Variants in RBFOX1 observed in about 807,000 individuals in gnomAD.
RBFOX1 encodes RNA binding protein fox-1 homolog 1.
Under a neutral mutation model 57.7 loss-of-function variants are expected in RBFOX1, and 8 were observed. The observed-to-expected ratio is 0.14, with a 90% confidence interval of 0.08 to 0.25. RBFOX1 has a LOEUF of 0.25. Ranked by LOEUF, RBFOX1 falls within the 10% of genes least tolerant of loss-of-function variation. The pLI is 1.00. For synonymous variants in RBFOX1, 326 were observed against 222.4 expected (o/e 1.47, Z -4.15); for missense variants, 611 against 548.5 (o/e 1.11, Z -1.14).
At chr16:5,767,047 T>A (rs74458734) in intron 3 of RBFOX1, among the ~76,000 whole-genome samples, 38 of 152,342 alleles carry the variant, frequency 2.5e-4, no homozygotes, top group African/African-American at 8.9e-4. Context: ...GGAACTGATG[T>A]CTCAGTCAGT....
At chr16:6,124,002 G>T (rs1327452964) in intron 1 of RBFOX1, among the ~76,000 whole-genome samples, 1 of 152,192 alleles carries the variant, frequency 6.6e-6, no homozygotes, top group Non-Finnish European at 1.5e-5. Flanking sequence ...GTCTTGCTTG[G>T]CCACAAAGGT....
chr16:6,340,469 C>A (rs1287882200), intron 2 of RBFOX1, among the ~76,000 whole-genome samples: 1 of 152,182 alleles, frequency 6.6e-6, no homozygotes, highest in Non-Finnish European at 1.5e-5. Flanking sequence ...GGCAGAGCAG[C>A]AACAAGGGCT....
intron 4 of RBFOX1, among the ~76,000 whole-genome samples, chr16:5,927,605 C>T (rs2058964256): frequency 1.3e-5 from 2 of 152,090 alleles, no homozygotes; most frequent in South Asian, 4.1e-4. Flanking sequence ...GGTATATATC[C>T]AAAGGGAATG....
At chr16:5,668,578 A>C (rs992253361) in intron 3 of RBFOX1, among the ~76,000 whole-genome samples, 1 of 152,170 alleles carries the variant, frequency 6.6e-6, no homozygotes, top group African/African-American at 2.4e-5. Context: ...CTTCAGATTA[A>C]ACTGCAGCCT....
At chr16:5,891,452 T>C (rs763031700) in intron 4 of RBFOX1, among the ~76,000 whole-genome samples, 3 of 152,222 alleles carry the variant, frequency 2.0e-5, no homozygotes, top group Non-Finnish European at 4.4e-5. Context: ...TTGGTTGCCA[T>C]GGAAGCATTG....
intron 4 of RBFOX1, among the ~76,000 whole-genome samples, chr16:7,416,332 G>T (rs940218002): frequency 1.1e-4 from 17 of 152,186 alleles, no homozygotes; most frequent in African/African-American, 4.1e-4. Context: ...AAAGCTTTCT[G>T]TTGATCCATG....
chr16:7,263,981 A>G (rs1207958669), intron 4 of RBFOX1, among the ~76,000 whole-genome samples: 1 of 151,814 alleles, frequency 6.6e-6, no homozygotes, highest in African/African-American at 2.4e-5. Flanking sequence ...GAAACAAAAC[A>G]CAGAAAGATC....
At chr16:7,140,157 CCTCTCTCT>C (rs57128710) in intron 4 of RBFOX1, among the ~76,000 whole-genome samples, 1,171 of 70,884 alleles carry the variant, frequency 0.017, 28 homozygotes, top group Admixed American at 0.068. Context: ...TCCTTCTCTC[CCTCTCTCT>C]CTCTCTCTCT....
intron 3 of RBFOX1, among the ~76,000 whole-genome samples, chr16:6,673,822 T>C (rs1274927927): frequency 6.6e-6 from 1 of 152,072 alleles, no homozygotes; most frequent in Non-Finnish European, 1.5e-5. Context: ...GGACAGAGAA[T>C]GATAGCCAAG....
At chr16:5,525,813 TAACAC>T (rs991558449) in intron 2 of RBFOX1, among the ~76,000 whole-genome samples, 2 of 152,054 alleles carry the variant, frequency 1.3e-5, no homozygotes, top group African/African-American at 2.4e-5. Context: ...CCCACAGTCT[TAACAC>T]AACAGTTCCC....
At chr16:5,285,559 C>G (rs576356279) in intron 1 of RBFOX1, among the ~76,000 whole-genome samples, 25 of 152,150 alleles carry the variant, frequency 1.6e-4, no homozygotes, top group Admixed American at 6.5e-4. Flanking sequence ...CTATCTGTGC[C>G]TCTGACATAA....
intron 1 of RBFOX1, among the ~76,000 whole-genome samples, chr16:6,128,960 C>G (rs2096609900): frequency 6.6e-6 from 1 of 152,170 alleles, no homozygotes; most frequent in African/African-American, 2.4e-5. Context: ...GAAACAGACC[C>G]ACCTGACAAA....
At chr16:6,887,499 C>T (rs753859488) in intron 3 of RBFOX1, among the ~76,000 whole-genome samples, 11 of 152,164 alleles carry the variant, frequency 7.2e-5, no homozygotes, top group Non-Finnish European at 1.2e-4. Context: ...TCCCTGGAAT[C>T]ATTAATCATG....
chr16:6,314,240 TAGTG>T (rs927922740), intron 1 of RBFOX1, among the ~76,000 whole-genome samples: 2 of 152,180 alleles, frequency 1.3e-5, no homozygotes, highest in Admixed American at 1.3e-4. Flanking sequence ...CTACCCAATG[TAGTG>T]AGCAGTACAT....
intron 3 of RBFOX1, among the ~76,000 whole-genome samples, chr16:5,714,124 C>T (rs2051599677): frequency 6.6e-6 from 1 of 152,176 alleles, no homozygotes; most frequent in Non-Finnish European, 1.5e-5. Flanking sequence ...CTTGCATTTC[C>T]ACCATATCTG....
At chr16:7,296,113 C>T (rs928535880) in intron 4 of RBFOX1, among the ~76,000 whole-genome samples, 10 of 144,108 alleles carry the variant, frequency 6.9e-5, no homozygotes, top group Middle Eastern at 3.7e-3. Context: ...TCCCAAATGC[C>T]GATCCACAGA....
At chr16:6,664,461 C>G (rs1467249839) in intron 3 of RBFOX1, among the ~76,000 whole-genome samples, 1 of 152,174 alleles carries the variant, frequency 6.6e-6, no homozygotes, top group Non-Finnish European at 1.5e-5. Context: ...ACAGATCTGC[C>G]TCAGCTCCTT....
intron 1 of RBFOX1, among the ~76,000 whole-genome samples, chr16:6,226,545 T>C (rs895762945): frequency 3.3e-5 from 5 of 152,114 alleles, no homozygotes; most frequent in East Asian, 3.9e-4. Context: ...GCACAGACTT[T>C]CTGAAGCATA....
In RBFOX1 at chr16:5,707,493, T is replaced by C. The variant is rs190595311; in HGVS notation, c.318+108532T>C. 6.6e-5 allele frequency among the ~76,000 whole-genome samples: 10 copies of C among 152,324 alleles called. No homozygotes were observed. In the East Asian group the frequency reaches 1.3e-3, roughly 21 times the overall value. On this transcript the variant is annotated intron_variant, in intron 3 of 19. Transcript: ENST00000641259. ...AACCACTAAAGATGCCAGGTCCTAA[T>C]TGGATAGCTAACACCTATGTCTGCC...
Sources: allele counts gnomAD v4.1 joint callset (sites outside exome capture counted in the v4.1 genomes callset), GRCh38; gene constraint gnomAD v4.1.1; transcripts MANE v1.5; gene names NCBI Gene and HGNC (gene_info 2026-07-23, HGNC 2026-07-21).